The following HMGXB3 variants were observed in gnomAD, a reference collection of about 807,000 sequenced individuals.
HMGXB3 encodes the protein HMG-box containing 3.
HMGXB3 carries 45 observed loss-of-function variants against 121.5 expected under a neutral mutation model. That is an observed-to-expected ratio of 0.37 (90% CI 0.29 to 0.47). HMGXB3 has a LOEUF of 0.47. HMGXB3 is among the 20% of genes least tolerant of loss of function. The probability of loss-of-function intolerance (pLI) is 0.99; values close to 1 mark genes in which losing one functional copy is unlikely to be tolerated. For synonymous variants in HMGXB3, 590 were observed against 624.1 expected, an observed-to-expected ratio of 0.95 and a Z score of 0.81; for missense variants, 1,376 against 1,602.2, an observed-to-expected ratio of 0.86 and a Z score of 2.41.
chr5:150,020,565 T>A (rs1756066078), intron 6 of HMGXB3, among the ~76,000 whole-genome samples: 1 of 152,208 alleles, frequency 6.6e-6, no homozygotes, highest in Admixed American at 6.5e-5. Flanking sequence ...TCATTTCTTG[T>A]ATGTGTGGTT....
intron 9 of HMGXB3, among the ~76,000 whole-genome samples, chr5:150,028,541 G>GTGTGTGTGTGTATA (rs1203886454): frequency 4.8e-5 from 2 of 42,090 alleles, no homozygotes; most frequent in African/African-American, 1.5e-4. Flanking sequence ...GTGTGTGTGT[G>GTGTGTGTGTGTATA]TATATATATA....
chr5:150,038,725 T>C (rs1363710299), intron 13 of HMGXB3, among the ~76,000 whole-genome samples: 1 of 152,260 alleles, frequency 6.6e-6, no homozygotes, highest in Non-Finnish European at 1.5e-5. Context: ...GTCTGGCTTC[T>C]TTCAGTAAGT....
chr5:150,010,122 C>G lies in HMGXB3; in HGVS notation c.324C>G (p.Leu108=). 1 of 1,551,220 alleles carries G rather than the reference C, an allele frequency of 6.4e-7. No individual in the cohort carries two copies. Among genetic ancestry groups the G allele is most frequent in the Non-Finnish European group, 8.7e-7 (1 of 1,146,700 alleles). The change falls in exon 4 of 20, where the codon CTC becomes CTG. Residue 108 remains leucine (L), a synonymous_variant. Coordinates refer to ENST00000502717, the MANE Select transcript of HMGXB3 (RefSeq NM_014983.3). ...EKEGLDPNSK[L]SALTAVVPDI... is the part of the protein sequence containing the mutation. ...TTCCTCATCCTCAGAACTCTAAGCTCTCTGCACTGACTGCTGTGGTTCCGG... is the reference window on the plus strand; with the variant it reads ...TTCCTCATCCTCAGAACTCTAAGCTGTCTGCACTGACTGCTGTGGTTCCGG...
intron 7 of HMGXB3, among the ~76,000 whole-genome samples, chr5:150,025,869 T>A (rs1756217177): frequency 1.3e-5 from 2 of 151,114 alleles, no homozygotes; most frequent in African/African-American, 4.9e-5. Context: ...GGAATCTCGC[T>A]CTGTCGCCCA....
At chr5:150,007,449 C>T (rs775807747) in intron 3 of HMGXB3, among the ~76,000 whole-genome samples, 13 of 152,216 alleles carry the variant, frequency 8.5e-5, no homozygotes, top group Non-Finnish European at 1.3e-4. Context: ...TCAATAGAAA[C>T]AGTTGTCTGT....
chr5:150,008,094 C>CACACACACACACAT (rs746974088), intron 3 of HMGXB3, among the ~76,000 whole-genome samples: 3 of 147,620 alleles, frequency 2.0e-5, no homozygotes, highest in African/African-American at 7.4e-5. Flanking sequence ...CACACACACA[C>CACACACACACACAT]ACACAAATCA....
intron 9 of HMGXB3, among the ~76,000 whole-genome samples, chr5:150,028,040 A>G (rs1756274531): frequency 6.6e-6 from 1 of 152,152 alleles, no homozygotes; most frequent in Admixed American, 6.5e-5. Flanking sequence ...TCCTGATGAC[A>G]TGTGCCCAAG....
At chr5:150,042,782 A>G (rs1343224731) in intron 15 of HMGXB3, among the ~76,000 whole-genome samples, 1 of 152,228 alleles carries the variant, frequency 6.6e-6, no homozygotes, top group South Asian at 2.1e-4. Flanking sequence ...AAATTTTCAC[A>G]CAATAATAAC....
intron 6 of HMGXB3, among the ~76,000 whole-genome samples, chr5:150,023,246 A>G (rs1756143934): frequency 1.3e-5 from 2 of 152,266 alleles, no homozygotes; most frequent in East Asian, 1.9e-4. Context: ...TGGCACAGAC[A>G]CTAAACTTTC....
intron 6 of HMGXB3, among the ~76,000 whole-genome samples, chr5:150,020,359 A>T (rs1756060069): frequency 6.6e-6 from 1 of 152,178 alleles, no homozygotes; most frequent in South Asian, 2.1e-4. Flanking sequence ...CAGTTCTCTA[A>T]CTGCAGTGGG....
chr5:150,032,691 G>C, intron 11 of HMGXB3, 88 bp downstream of exon 11: 1 of 1,430,996 alleles, frequency 7.0e-7, no homozygotes. Flanking sequence ...GATTTTTAAA[G>C]TACATGGTGG....
chr5:150,041,012 C>G (rs562064088), intron 14 of HMGXB3, 133 bp downstream of exon 14: 1 of 848,924 alleles, frequency 1.2e-6, no homozygotes, highest in South Asian at 2.0e-5. Context: ...TCTTGACTTC[C>G]TAATACACTC....
intron 9 of HMGXB3, among the ~76,000 whole-genome samples, chr5:150,027,450 C>G (rs1756258488): frequency 1.3e-5 from 2 of 152,110 alleles, no homozygotes; most frequent in Non-Finnish European, 2.9e-5. Flanking sequence ...TCATGTGTGT[C>G]CCCCCACCAT....
rs1255283764 is a variant in HMGXB3, at chr5:150,026,891, G to A, written c.1636+10G>A. ...GCCTTTTCCCTGAGTGGTAAGGGCT[G>A]GGACATACCTGGGATGGAGGGGCTG... On this transcript the variant is annotated intron_variant, in intron 8 of 19. Transcript: ENST00000502717. 6.6e-7 allele frequency: 1 copy of A among 1,511,674 alleles called. No homozygotes were observed. The highest frequency in any genetic ancestry group is 2.5e-5 in the East Asian group (1 of 40,536). 93.6% of individuals were successfully genotyped at this position (1,511,674 alleles called of 1,614,324 possible). A position where few individuals can be genotyped will look rare whatever the true frequency, so the allele number is the denominator to read the frequency against.
intron 5 of HMGXB3, among the ~76,000 whole-genome samples, chr5:150,018,149 A>T (rs1261528427): frequency 6.6e-6 from 1 of 152,232 alleles, no homozygotes; most frequent in Admixed American, 6.5e-5. Context: ...GAATAGAGAA[A>T]TATGGGTTCT....
chr5:150,027,077 G>A lies in HMGXB3; in HGVS notation c.1694G>A (p.Gly565Asp). The A allele has an allele frequency of 6.4e-7, 1 of 1,551,674 alleles. No individual in the cohort carries two copies. Among genetic ancestry groups the A allele is most frequent in the Non-Finnish European group, 8.7e-7 (1 of 1,146,992 alleles). ...AAGCCAAGCACACTGAAGCAGCTGG[G>A]CCAGCCCATTCAACAGCCATCTGGC... ...GLKPSTLKQL[G>D]QPIQQPSGPG... The change falls in exon 9 of 20, where the codon GGC becomes GAC. Residue 565 changes from glycine (G) to aspartate (D), a missense_variant. Coordinates refer to ENST00000502717, the MANE Select transcript of HMGXB3 (RefSeq NM_014983.3).
chr5:150,041,526 C>G (rs983977835), intron 14 of HMGXB3, among the ~76,000 whole-genome samples: 2 of 152,252 alleles, frequency 1.3e-5, no homozygotes, highest in Non-Finnish European at 2.9e-5. Context: ...AGATTAATGA[C>G]ATAACATATC....
intron 16 of HMGXB3, 138 bp downstream of exon 16, chr5:150,045,823 G>C (rs1756742452): frequency 1.5e-6 from 1 of 673,862 alleles, no homozygotes; most frequent in African/African-American, 1.8e-5. Context: ...GATAATAACA[G>C]CCCGTGTCAA....
chr5:150,026,180 G>T (rs1367785255), intron 7 of HMGXB3, among the ~76,000 whole-genome samples: 1 of 152,132 alleles, frequency 6.6e-6, no homozygotes, highest in East Asian at 1.9e-4. Flanking sequence ...TTTGGCGATG[G>T]TTTTGTATAT....
Sources: allele counts gnomAD v4.1 joint callset (sites outside exome capture counted in the v4.1 genomes callset), GRCh38; gene constraint gnomAD v4.1.1; transcripts MANE v1.5; gene names NCBI Gene and HGNC (gene_info 2026-07-23, HGNC 2026-07-21).